Variants in COL26A1 observed in about 807,000 individuals in gnomAD.
COL26A1 encodes the protein collagen alpha-1(XXVI) chain.
Under a neutral mutation model 59.3 loss-of-function variants are expected in COL26A1, and 41 were observed. That is an observed-to-expected ratio of 0.69 (90% CI 0.54 to 0.90). The LOEUF is 0.90. Among genes scored for constraint, COL26A1 ranks in the 40% least tolerant of loss-of-function variants. The pLI is 0.00. For synonymous variants in COL26A1, 266 were observed against 256.0 expected (o/e 1.04, Z -0.37); for missense variants, 612 against 602.3 (o/e 1.02, Z -0.17).
chr7:101,547,294 C>A, intron 8 of COL26A1, 55 bp downstream of exon 8: 1 of 1,314,440 alleles, frequency 7.6e-7, no homozygotes, highest in Non-Finnish European at 1.1e-6. Flanking sequence ...CAGGGCTGGC[C>A]TGAGCCATGG....
intron 3 of COL26A1, among the ~76,000 whole-genome samples, chr7:101,493,550 G>A (rs1383747834): frequency 6.6e-6 from 1 of 151,884 alleles, no homozygotes; most frequent in African/African-American, 2.4e-5. Context: ...TACTCAGAAC[G>A]GTATTTTTAA....
chr7:101,414,423 A>C (rs1375324248), intron 1 of COL26A1, among the ~76,000 whole-genome samples: 1 of 129,142 alleles, frequency 7.7e-6, no homozygotes, highest in African/African-American at 3.1e-5. Flanking sequence ...TCTCGCTCTC[A>C]CTCTGTGTTT....
intron 3 of COL26A1, among the ~76,000 whole-genome samples, chr7:101,517,376 GAA>G (rs111373059): frequency 6.6e-6 from 1 of 151,872 alleles, no homozygotes; most frequent in Non-Finnish European, 1.5e-5. Context: ...GCAATTTACA[GAA>G]AAAAAGAGGT....
chr7:101,530,014 C>T (rs1349523175), intron 3 of COL26A1, among the ~76,000 whole-genome samples: 3 of 152,052 alleles, frequency 2.0e-5, no homozygotes, highest in African/African-American at 7.2e-5. Flanking sequence ...GTCATCCAGT[C>T]GCAGGAACAT....
At chr7:101,401,641 AGAG>A (rs201234278) in intron 1 of COL26A1, among the ~76,000 whole-genome samples, 1,490 of 124,460 alleles carry the variant, frequency 0.012, 7 homozygotes, top group South Asian at 0.022. Flanking sequence ...CAGAAGAGGG[AGAG>A]GAGGAGGTGG....
chr7:101,551,230 T>TGGGGGG, intron 10 of COL26A1, 87 bp downstream of exon 10: 2 of 113,764 alleles, frequency 1.8e-5, no homozygotes, highest in Non-Finnish European at 1.6e-5. Context: ...CGGGGGTTGG[T>TGGGGGG]GGGGGGGTTC....
intron 3 of COL26A1, among the ~76,000 whole-genome samples, chr7:101,511,403 A>G (rs915446273): frequency 1.1e-4 from 16 of 152,134 alleles, no homozygotes; most frequent in Admixed American, 2.0e-4. Flanking sequence ...CTACTAACTG[A>G]ACTCCCAGAA....
Position 101,539,343 on chromosome 7 carries a change from T to C in COL26A1, c.448-550T>C, listed in dbSNP as rs191318513. 2.9e-3 allele frequency among the ~76,000 whole-genome samples: 440 copies of C among 151,252 alleles called. 3 individuals carry two copies. In the East Asian group the frequency reaches 0.035, roughly 12 times the overall value. On this transcript the variant is annotated intron_variant, in intron 4 of 12. Coordinates refer to ENST00000313669, the MANE Select transcript of COL26A1 (RefSeq NM_001278563.3). ...GTGCGTATGTGTGTGTGCTTTTTTT[T>C]TCTCTCTCTCTCTTTTTGTAGATGT...
intron 2 of COL26A1, among the ~76,000 whole-genome samples, chr7:101,432,342 T>C (rs1214418835): frequency 6.6e-6 from 1 of 152,066 alleles, no homozygotes; most frequent in Admixed American, 6.6e-5. Context: ...TGGCTCATGC[T>C]AGGGGGATAT....
chr7:101,534,217 G>A (rs916601048), intron 4 of COL26A1, among the ~76,000 whole-genome samples: 8 of 152,194 alleles, frequency 5.3e-5, no homozygotes, highest in South Asian at 4.1e-4. Flanking sequence ...AGCTCTCTCC[G>A]GGGAAGAACT....
chr7:101,529,205 G>A (rs1039577248), intron 3 of COL26A1, among the ~76,000 whole-genome samples: 2 of 152,170 alleles, frequency 1.3e-5, no homozygotes, highest in South Asian at 2.1e-4. Flanking sequence ...GGGGTTATAT[G>A]TGCTTGTTTG....
intron 3 of COL26A1, among the ~76,000 whole-genome samples, chr7:101,469,055 A>G (rs571479421): frequency 1.3e-5 from 2 of 152,324 alleles, no homozygotes; most frequent in African/African-American, 4.8e-5. Flanking sequence ...ATGATCTGGC[A>G]GAGCGCATCA....
chr7:101,363,407 C>G (rs1790951378), intron 1 of COL26A1, among the ~76,000 whole-genome samples: 1 of 100,154 alleles, frequency 1.0e-5, no homozygotes, highest in Non-Finnish European at 2.0e-5. Context: ...GGCCTGGGGG[C>G]GCGGGGTGGC....
intron 5 of COL26A1, among the ~76,000 whole-genome samples, chr7:101,542,093 A>C (rs184424580): frequency 8.5e-4 from 129 of 151,784 alleles, no homozygotes; most frequent in African/African-American, 2.9e-3. Flanking sequence ...CAGCCTCCCT[A>C]ATAACTGGGA....
At position 101,490,172 on chromosome 7, in the gene COL26A1, G is replaced by A. The variant is rs147061413; in HGVS notation, c.385+42385G>A. On this transcript the variant is annotated intron_variant, in intron 3 of 12. Transcript: ENST00000313669. ...AGGCTGGTCTCGAACTCCTGACCTC[G>A]TGATCTGCCCGCCTCGGACTCCCAA... Among the ~76,000 whole-genome samples, 1,488 of 151,506 alleles carry A rather than the reference G, an allele frequency of 9.8e-3. 30 individuals are homozygous for A. Among genetic ancestry groups the A allele is most frequent in the African/African-American group, 0.034 (1,411 of 41,332 alleles).
chr7:101,548,197 G>C (rs1795780616), intron 8 of COL26A1, among the ~76,000 whole-genome samples: 1 of 152,178 alleles, frequency 6.6e-6, no homozygotes, highest in Non-Finnish European at 1.5e-5. Context: ...TGGAGTGCCT[G>C]TCCTCACATG....
At chr7:101,435,724 C>T (rs568647436) in intron 2 of COL26A1, among the ~76,000 whole-genome samples, 38 of 152,252 alleles carry the variant, frequency 2.5e-4, no homozygotes, top group South Asian at 1.0e-3. Flanking sequence ...CCCAGGGACT[C>T]GGGGGGTTAA....
intron 3 of COL26A1, among the ~76,000 whole-genome samples, chr7:101,519,236 G>A (rs568213847): frequency 2.0e-5 from 3 of 152,270 alleles, no homozygotes; most frequent in East Asian, 1.9e-4. Flanking sequence ...GAGCTCTCCC[G>A]GATGTTACAG....
At chr7:101,400,255 G>A (rs1791960419) in intron 1 of COL26A1, among the ~76,000 whole-genome samples, 1 of 152,094 alleles carries the variant, frequency 6.6e-6, no homozygotes. Flanking sequence ...GGGTTCAGGA[G>A]CGCAGGGAGA....
Sources: gnomAD v4.1 joint callset for allele counts (sites outside exome capture counted in the v4.1 genomes callset) on GRCh38, gnomAD v4.1.1 for gene constraint, MANE v1.5 for transcripts, NCBI Gene and HGNC (gene_info 2026-07-23, HGNC 2026-07-21) for gene names.